Variants in WLS observed in about 807,000 individuals in gnomAD.
WLS encodes Wnt ligand secretion mediator.
A neutral mutation model predicts 62.8 loss-of-function variants in WLS; 23 were observed. The ratio of observed to expected loss-of-function variants is 0.37; its 90% CI spans 0.26 to 0.52. The LOEUF (loss-of-function observed/expected upper bound fraction) is 0.52, where lower values mean the gene tolerates loss of function less well. Among genes scored for constraint, WLS ranks in the 20% least tolerant of loss-of-function variants. The pLI, the probability that WLS is intolerant of heterozygous loss-of-function variation, is 0.92. For synonymous variants in WLS, 246 were observed against 244.1 expected (o/e 1.01, Z -0.07); for missense variants, 615 against 697.3 (o/e 0.88, Z 1.33).
chr1:68,167,352 GT>G (rs1353333491), intron 2 of WLS, among the ~76,000 whole-genome samples: 1 of 152,292 alleles, frequency 6.6e-6, no homozygotes. Flanking sequence ...TGCGAAGCTG[GT>G]TACCTGAATT....
intron 2 of WLS, among the ~76,000 whole-genome samples, chr1:68,191,075 AAT>A (rs1282869293): frequency 3.6e-5 from 5 of 137,714 alleles, no homozygotes; most frequent in Non-Finnish European, 4.8e-5. Context: ...AAAAAAAAAA[AAT>A]GTTTATAGTT....
At chr1:68,153,866 G>C (rs1646860834) in intron 4 of WLS, among the ~76,000 whole-genome samples, 1 of 152,108 alleles carries the variant, frequency 6.6e-6, no homozygotes. Context: ...CTGTGCTATG[G>C]ACCTGAGACC....
chr1:68,191,834 C>T (rs1263117722), intron 2 of WLS, among the ~76,000 whole-genome samples: 3 of 152,112 alleles, frequency 2.0e-5, no homozygotes, highest in African/African-American at 7.2e-5. Flanking sequence ...TCATCCTCAC[C>T]TCCTCACCAG....
At chr1:68,178,701 A>G (rs72938518) in intron 2 of WLS, among the ~76,000 whole-genome samples, 28,079 of 144,820 alleles carry the variant, frequency 0.19, 2,855 homozygotes, top group African/African-American at 0.25. Context: ...TCGAGACTAC[A>G]TTTCAAAAAA....
In WLS at chr1:68,114,176, T is replaced by C. The variant is rs540375506; in HGVS notation, c.1511-15423A>G. 2.0e-5 allele frequency among the ~76,000 whole-genome samples: 3 copies of C among 152,300 alleles called. No individual in the cohort carries two copies. In the South Asian group the frequency reaches 6.2e-4, roughly 32 times the overall value. ...CTGAGGAACAAATCTGAATCATGCCTACTGCCAGGCTGAGGCTCTGGGCCA... is the reference window on the plus strand; with the variant it reads ...CTGAGGAACAAATCTGAATCATGCCCACTGCCAGGCTGAGGCTCTGGGCCA... On this transcript the variant is annotated intron_variant, in intron 11 of 11. Transcript: ENST00000354777.
At chr1:68,219,348 C>A (rs1004235221) in intron 1 of WLS, among the ~76,000 whole-genome samples, 3 of 152,214 alleles carry the variant, frequency 2.0e-5, no homozygotes, top group Non-Finnish European at 4.4e-5. Flanking sequence ...CTCACTATGT[C>A]TTCCTTGGAC....
chr1:68,216,723 GA>G (rs1186010401), intron 1 of WLS, among the ~76,000 whole-genome samples: 2 of 152,150 alleles, frequency 1.3e-5, no homozygotes, highest in East Asian at 1.9e-4. Flanking sequence ...CCCTGAGATG[GA>G]AAAAGGCAGC....
intron 2 of WLS, among the ~76,000 whole-genome samples, chr1:68,188,054 T>C (rs1490835007): frequency 6.6e-6 from 1 of 152,196 alleles, no homozygotes; most frequent in Non-Finnish European, 1.5e-5. Context: ...AACCACAAGA[T>C]AATCCAGCAC....
intron 11 of WLS, among the ~76,000 whole-genome samples, chr1:68,102,033 A>C (rs1378270081): frequency 1.3e-5 from 2 of 152,210 alleles, no homozygotes; most frequent in Non-Finnish European, 2.9e-5. Context: ...TGGGAGCTGC[A>C]GACTCTGCAC....
At chr1:68,126,485 C>CT in intron 11 of WLS, 150 bp from the exon 12 acceptor site, 1 of 1,090,584 alleles carries the variant, frequency 9.2e-7, no homozygotes, top group Non-Finnish European at 1.3e-6. Context: ...AGAACAAGGA[C>CT]TAACTCCAAA....
At chr1:68,221,152 A>T (rs553262349) in intron 1 of WLS, among the ~76,000 whole-genome samples, 1 of 152,314 alleles carries the variant, frequency 6.6e-6, no homozygotes, top group African/African-American at 2.4e-5. Context: ...ACATTCTCAT[A>T]GAGCAAAGCT....
chr1:68,204,990 A>G (rs575868685), intron 1 of WLS, among the ~76,000 whole-genome samples: 1 of 152,354 alleles, frequency 6.6e-6, no homozygotes, highest in Admixed American at 6.5e-5. Context: ...TATTTATTAT[A>G]TGGCTTTTGT....
intron 1 of WLS, among the ~76,000 whole-genome samples, chr1:68,215,307 A>C (rs1169042882): frequency 1.3e-5 from 2 of 152,378 alleles, no homozygotes; most frequent in Admixed American, 6.5e-5. Context: ...AGAAAGGAAC[A>C]ACCACGCAAG....
chr1:68,191,141 G>A (rs1476719639), intron 2 of WLS, among the ~76,000 whole-genome samples: 1 of 151,926 alleles, frequency 6.6e-6, no homozygotes, highest in Non-Finnish European at 1.5e-5. Context: ...AATACAGTCA[G>A]TAGACAGTAA....
Position 68,126,297 on chromosome 1 carries a change from T to C in WLS, c.1555A>G (p.Thr519Ala), listed in dbSNP as rs749937551. The C allele has an allele frequency of 3.0e-5, 48 of 1,614,000 alleles. No homozygotes were observed. In the Middle Eastern group the frequency reaches 6.6e-4, roughly 22 times the overall value. Residue 519 changes from threonine (T) to alanine (A), a missense_variant, in exon 12 of 12, where the codon ACC (threonine) becomes GCC (alanine). Thr to Ala is a moderately conservative substitution (Grantham distance 58). Transcript: ENST00000262348. The stretch of plus-strand genomic sequence containing the variant: ...CCGTCCACATGGGTGATAGTGGTGG[T>C]GAGCTGGAGTTCTTCCCCACTATGG... ...GVHSGEELQL[T>A]TTITHVDGPT...
At chr1:68,146,154 C>G in intron 8 of WLS, 142 bp from the exon 9 acceptor site, 1 of 905,318 alleles carries the variant, frequency 1.1e-6, no homozygotes. Flanking sequence ...AATATTAAAA[C>G]CTGATATTCT....
At chr1:68,172,681 G>C (rs191285153) in intron 2 of WLS, among the ~76,000 whole-genome samples, 11 of 152,242 alleles carry the variant, frequency 7.2e-5, no homozygotes, top group African/African-American at 2.6e-4. Context: ...CAATCTTCTG[G>C]CTCACCCTAC....
intron 2 of WLS, among the ~76,000 whole-genome samples, chr1:68,186,386 A>G (rs1052536187): frequency 2.6e-5 from 4 of 152,208 alleles, no homozygotes; most frequent in Non-Finnish European, 5.9e-5. Flanking sequence ...AAAGTAGATG[A>G]AAACACTAAC....
intron 11 of WLS, among the ~76,000 whole-genome samples, chr1:68,117,080 T>A (rs1646302255): frequency 6.6e-6 from 1 of 151,704 alleles, no homozygotes; most frequent in African/African-American, 2.4e-5. Flanking sequence ...CCTTCCTCCC[T>A]CCCTCCCTCT....
Sources: gnomAD v4.1 joint callset for allele counts (sites outside exome capture counted in the v4.1 genomes callset) on GRCh38, gnomAD v4.1.1 for gene constraint, MANE v1.5 for transcripts, NCBI Gene and HGNC (gene_info 2026-07-23, HGNC 2026-07-21) for gene names.